WDR1: variants seen among roughly 807,000 people sequenced by gnomAD.
The protein encoded by WDR1 is WD repeat domain 1.
In WDR1, 21 loss-of-function variants were observed where a neutral mutation model predicts 71.9. The observed-to-expected ratio is 0.29, with a 90% CI of 0.21 to 0.42. The LOEUF (loss-of-function observed/expected upper bound fraction) is 0.42, where lower values mean the gene tolerates loss of function less well. Ranked by LOEUF, WDR1 falls within the 10% of genes least tolerant of loss-of-function variation. WDR1 has a pLI of 1.00. For missense variants in WDR1, 696 were observed against 824.5 expected (o/e 0.84, Z 1.91); for synonymous variants, 424 against 347.4 (o/e 1.22, Z -2.45).
rs1294373972 is a variant in WDR1, at chr4:10,083,169, T to C, written c.1049A>G (p.Asp350Gly). The C allele has an allele frequency of 1.2e-6, 2 of 1,613,600 alleles. No homozygotes were observed. Among genetic ancestry groups the C allele is most frequent in the Non-Finnish European group, 1.7e-6 (2 of 1,179,750 alleles). Residue 350 changes from aspartate to glycine, a missense_variant, in exon 10 of 15, where the codon GAT becomes GGT. Transcript: ENST00000499869. ...GGAGTCGTTCTCCCCCGTCTCTGAA[T>C]CCCAGTAATGTAGGGTGGGGTTAAG... ...GSHDGHINYW[D>G]SETGENDSFA...
intron 2 of WDR1, among the ~76,000 whole-genome samples, chr4:10,113,423 C>T (rs1477105024): frequency 6.6e-6 from 1 of 152,162 alleles, no homozygotes; most frequent in Non-Finnish European, 1.5e-5. Context: ...GAGAAAATGT[C>T]CAGGCAAAGG....
At chr4:10,107,160 C>A (rs772008942) in intron 2 of WDR1, among the ~76,000 whole-genome samples, 18 of 152,108 alleles carry the variant, frequency 1.2e-4, no homozygotes, top group Non-Finnish European at 2.5e-4. Context: ...GGGGAGACCA[C>A]CATGAGCAGC....
At chr4:10,093,634 G>A (rs547082024) in intron 5 of WDR1, among the ~76,000 whole-genome samples, 18 of 152,210 alleles carry the variant, frequency 1.2e-4, no homozygotes, top group African/African-American at 3.4e-4. Flanking sequence ...CTAACTAACC[G>A]TCCTTGGGGC....
chr4:10,083,027 G>A lies in WDR1; in HGVS notation c.1191C>T (p.Asp397=). The A allele has an allele frequency of 6.2e-7, 1 of 1,612,120 alleles. No individual in the cohort carries two copies. Among genetic ancestry groups the A allele is most frequent in the Non-Finnish European group, 8.5e-7 (1 of 1,178,736 alleles). Residue 397 remains aspartate, a synonymous_variant, in exon 10 of 15, where the codon GAC becomes GAT. Coordinates refer to ENST00000499869, the MANE Select transcript of WDR1 (RefSeq NM_017491.5). ...TVRYTSLMLR[D]YSGQGVVKLD... is the part of the protein sequence containing the mutation. The stretch of plus-strand genomic sequence containing the variant: ...GCAGACCCGAGTGCTCTCACCTGTA[G>A]TCCCGCAGCATGAGGCTGGTGTACC...
intron 3 of WDR1, 139 bp downstream of exon 3, chr4:10,103,757 C>T (rs956213020): frequency 2.7e-5 from 19 of 698,298 alleles, no homozygotes; most frequent in South Asian, 6.9e-5. Flanking sequence ...CTCCCCTCAA[C>T]TCACCACCCC....
chr4:10,097,073 C>T (rs957695779), intron 5 of WDR1, among the ~76,000 whole-genome samples: 1 of 152,252 alleles, frequency 6.6e-6, no homozygotes, highest in African/African-American at 2.4e-5. Context: ...AGTCAAAACC[C>T]TCAGATGCTG....
At chr4:10,111,200 G>A (rs960312111) in intron 2 of WDR1, among the ~76,000 whole-genome samples, 1 of 152,192 alleles carries the variant, frequency 6.6e-6, no homozygotes, top group Non-Finnish European at 1.5e-5. Context: ...GCTATGGTAG[G>A]GCTGTGTGAG....
intron 10 of WDR1, 147 bp from the exon 11 acceptor site, chr4:10,081,591 A>T: frequency 1.9e-6 from 1 of 519,354 alleles, no homozygotes. Flanking sequence ...AAAATATGGG[A>T]TGGTAGCGAA....
intron 8 of WDR1, among the ~76,000 whole-genome samples, chr4:10,085,796 T>TA (rs965652566): frequency 1.3e-5 from 2 of 152,218 alleles, no homozygotes; most frequent in African/African-American, 4.8e-5. Flanking sequence ...CCTGGGCTGA[T>TA]ACCTGCTGCT....
At chr4:10,090,834 C>T (rs952395335) in intron 5 of WDR1, among the ~76,000 whole-genome samples, 7 of 152,394 alleles carry the variant, frequency 4.6e-5, no homozygotes, top group African/African-American at 1.7e-4. Flanking sequence ...GTTTCCATCC[C>T]AGTGGATGAG....
chr4:10,088,358 C>G lies in WDR1; in HGVS notation c.652G>C (p.Gly218Arg). Residue 218 changes from glycine (G) to arginine (R), a missense_variant, in exon 7 of 15, where the codon GGG (glycine) becomes CGG (arginine). Transcript: ENST00000499869. ...SADGQIYIYD[G>R]KTGEKVCALG... Reference sequence around the variant, plus strand: ...GCGCACACCTTCTCCCCAGTCTTCCCGTCATAGATGTATATCTTCCAAGAA... The same window carrying G: ...GCGCACACCTTCTCCCCAGTCTTCCGGTCATAGATGTATATCTTCCAAGAA... 6.4e-7 allele frequency: 1 copy of G among 1,558,122 alleles called. No homozygotes were observed. The highest frequency in any genetic ancestry group is 8.7e-7 in the Non-Finnish European group (1 of 1,150,430).
At chr4:10,082,939 A>T in intron 10 of WDR1, 83 bp downstream of exon 10, 1 of 1,516,348 alleles carries the variant, frequency 6.6e-7, no homozygotes, top group Non-Finnish European at 8.9e-7. Flanking sequence ...GGCGTCCTCC[A>T]GAACAGTAAC....
At position 10,079,350 on chromosome 4, in the gene WDR1, A is replaced by C. The variant is rs571387923; in HGVS notation, c.1285-349T>G. Among the ~76,000 whole-genome samples the C allele has an allele frequency of 5.3e-5, 8 of 152,364 alleles. No homozygotes were observed. The South Asian group carries it at 1.7e-3, about 32-fold the overall frequency. On this transcript the variant is annotated intron_variant, in intron 11 of 14. Coordinates refer to ENST00000499869, the MANE Select transcript of WDR1 (RefSeq NM_017491.5). ...GAAAGGTACTAACAACAGTAAACAA[A>C]AACAGCGACAGCCCCTAGGCACGTG... is the stretch of plus-strand genomic sequence containing the variant.
chr4:10,088,956 A>G (rs1711784502), intron 5 of WDR1, among the ~76,000 whole-genome samples: 1 of 152,112 alleles, frequency 6.6e-6, no homozygotes, highest in East Asian at 1.9e-4. Flanking sequence ...TGACCGCTCT[A>G]CCTGCTGGGA....
In WDR1 at chr4:10,075,274, G is replaced by T; in HGVS notation, c.*104C>A. The T allele has an allele frequency of 1.0e-6, 1 of 964,774 alleles. No homozygotes were observed. Among genetic ancestry groups the T allele is most frequent in the Non-Finnish European group, 1.6e-6 (1 of 625,382 alleles). 59.8% of individuals were successfully genotyped at this position (964,774 alleles called of 1,614,324 possible). ...GGGCCCTCCTGCCTCTTGTGGTGGG[G>T]TGGGGGCATGGGGGCGCGTCACAGA... On this transcript the variant is annotated 3_prime_UTR_variant, in exon 15 of 15. Transcript: ENST00000499869.
intron 1 of WDR1, 97 bp from the exon 2 acceptor site, chr4:10,116,331 C>A (rs753601064): frequency 2.6e-5 from 39 of 1,525,080 alleles, no homozygotes; most frequent in Middle Eastern, 4.2e-4. Flanking sequence ...GGCCGGTCAC[C>A]TGTTGACTGC....
chr4:10,115,471 G>A (rs1431829010), intron 2 of WDR1, among the ~76,000 whole-genome samples: 1 of 152,228 alleles, frequency 6.6e-6, no homozygotes, highest in Admixed American at 6.5e-5. Flanking sequence ...TGGCCCAGAG[G>A]CCCGGGTGTT....
At position 10,077,907 on chromosome 4, in the gene WDR1, T is replaced by C; in HGVS notation, c.1415A>G (p.Tyr472Cys). The change falls in exon 13 of 15, where the codon TAT (tyrosine) becomes TGT (cysteine). Residue 472 changes from tyrosine (Y) to cysteine (C), a missense_variant. By Grantham distance (194) the Tyr-to-Cys change is radical. Transcript: ENST00000499869. ...IGGVDGNVRL[Y>C]SILGTTLKDE... ...CTTCAGCGTGGTGCCCAGGATGGAA[T>C]ACAGGCGGACGTTGCCGTCCTACGG... 1.9e-6 allele frequency: 3 copies of C among 1,608,908 alleles called. No individual in the cohort carries two copies. The highest frequency in any genetic ancestry group is 1.3e-5 in the African/African-American group (1 of 74,922).
At chr4:10,083,472 A>T in intron 9 of WDR1, 1 of 535,012 alleles carries the variant, frequency 1.9e-6, no homozygotes, top group Non-Finnish European at 3.6e-6. Flanking sequence ...GCTACTAGTT[A>T]TCGGGTAGGC....
Sources: gnomAD v4.1 joint callset for allele counts (sites outside exome capture counted in the v4.1 genomes callset) on GRCh38, gnomAD v4.1.1 for gene constraint, MANE v1.5 for transcripts, NCBI Gene and HGNC (gene_info 2026-07-23, HGNC 2026-07-21) for gene names.